Variants in RHOBTB1 observed in about 807,000 individuals in gnomAD.
RHOBTB1 encodes the protein rho-related BTB domain-containing protein 1.
A neutral mutation model predicts 71.6 loss-of-function variants in RHOBTB1; 40 were observed. The observed-to-expected ratio is 0.56, with a 90% CI of 0.43 to 0.73. RHOBTB1 has a LOEUF of 0.73. Ranked by LOEUF, RHOBTB1 falls within the 30% of genes least tolerant of loss-of-function variation. The pLI is 0.00. For missense variants in RHOBTB1, 797 were observed against 894.0 expected (o/e 0.89, Z 1.38); for synonymous variants, 319 against 334.9 (o/e 0.95, Z 0.52).
At chr10:60,991,187 C>T (rs151302799) in intron 1 of RHOBTB1, among the ~76,000 whole-genome samples, 69 of 152,228 alleles carry the variant, frequency 4.5e-4, no homozygotes, top group African/African-American at 1.5e-3. Context: ...ATATTCCACA[C>T]GGTAGCCAGA....
chr10:60,863,467 T>C, the RHOBTB1 span, among the ~76,000 whole-genome samples: 6 of 152,130 alleles, frequency 3.9e-5, no homozygotes, highest in Non-Finnish European at 8.8e-5. Context: ...ATAGTCTAGG[T>C]TGTTCTCAGA....
intron 2 of RHOBTB1, among the ~76,000 whole-genome samples, chr10:60,961,411 G>T (rs2085773067): frequency 6.6e-6 from 1 of 152,090 alleles, no homozygotes; most frequent in African/African-American, 2.4e-5. Flanking sequence ...TAACACCGGT[G>T]CATTAAGTAT....
chr10:60,960,456 A>G (rs535138488), intron 2 of RHOBTB1, among the ~76,000 whole-genome samples: 1 of 152,310 alleles, frequency 6.6e-6, no homozygotes, highest in East Asian at 1.9e-4. Context: ...TTAGAGAACT[A>G]GAAATTTAAT....
intron 7 of RHOBTB1, among the ~76,000 whole-genome samples, chr10:60,880,436 ATAGGTAGACC>A (rs746015218): frequency 6.6e-5 from 10 of 152,134 alleles, no homozygotes; most frequent in South Asian, 4.1e-4. Flanking sequence ...ATCCTTTCAG[ATAGGTAGACC>A]CATCCCTTAA....
chr10:60,946,016 A>T (rs1409628575), upstream of RHOBTB1, among the ~76,000 whole-genome samples: 2 of 152,186 alleles, frequency 1.3e-5, no homozygotes, highest in Non-Finnish European at 2.9e-5. Context: ...CGTCTCTATT[A>T]AAAATACAAA....
chr10:60,970,105 GA>G (rs1230328137), intron 2 of RHOBTB1, among the ~76,000 whole-genome samples: 1 of 152,110 alleles, frequency 6.6e-6, no homozygotes, highest in African/African-American at 2.4e-5. Context: ...CAATGCTGTG[GA>G]TGAAGCTTGC....
At chr10:60,880,943 A>G (rs1197126793) in intron 7 of RHOBTB1, among the ~76,000 whole-genome samples, 1 of 152,206 alleles carries the variant, frequency 6.6e-6, no homozygotes, top group Non-Finnish European at 1.5e-5. Flanking sequence ...TTGATGAAAT[A>G]ATGTTTGGAT....
intron 2 of RHOBTB1, among the ~76,000 whole-genome samples, chr10:60,914,324 A>G (rs556357681): frequency 6.6e-6 from 1 of 152,302 alleles, no homozygotes; most frequent in South Asian, 2.1e-4. Flanking sequence ...CCTCTTCGAC[A>G]AGTTTCTGGT....
chr10:60,863,096 G>A, the RHOBTB1 span, among the ~76,000 whole-genome samples: 2 of 152,124 alleles, frequency 1.3e-5, no homozygotes, highest in African/African-American at 4.8e-5. Flanking sequence ...TGGGGGTGGT[G>A]GAGAACTAGA....
intron 2 of RHOBTB1, among the ~76,000 whole-genome samples, chr10:60,979,942 T>C (rs1167807671): frequency 2.0e-5 from 3 of 152,094 alleles, no homozygotes; most frequent in Non-Finnish European, 1.5e-5. Flanking sequence ...AAACACACTA[T>C]ATGTTCTGGC....
chr10:60,940,267 G>A (rs1002784843), intron 2 of RHOBTB1, among the ~76,000 whole-genome samples: 1 of 152,054 alleles, frequency 6.6e-6, no homozygotes, highest in African/African-American at 2.4e-5. Flanking sequence ...TTAATAATTT[G>A]TTCCCCATTT....
chr10:60,950,750 C>T (rs182905727), intron 2 of RHOBTB1, among the ~76,000 whole-genome samples: 89 of 152,310 alleles, frequency 5.8e-4, no homozygotes, highest in African/African-American at 1.9e-3. Context: ...CATTATGAGG[C>T]CCCTTAAACA....
chr10:61,000,065 G>T (rs927130779), intron 1 of RHOBTB1, among the ~76,000 whole-genome samples: 4 of 152,172 alleles, frequency 2.6e-5, no homozygotes, highest in African/African-American at 9.7e-5. Flanking sequence ...ACAATGGGTG[G>T]ATTATTACTA....
At chr10:60,884,913 A>C (rs1564789918) in intron 7 of RHOBTB1, among the ~76,000 whole-genome samples, 1 of 151,388 alleles carries the variant, frequency 6.6e-6, no homozygotes, top group Non-Finnish European at 1.5e-5. Flanking sequence ...TCTAGTGTAC[A>C]TTTTTTTTGT....
In RHOBTB1 at chr10:60,971,362, A is replaced by G. The variant is rs565170465; in HGVS notation, c.-62+14483T>C. On this transcript the variant is annotated intron_variant, in intron 2 of 11. Transcript: ENST00000357917. Reference sequence around the variant, plus strand: ...CAAAACAGATATATAGACCAATGGAACAGAACAGAGGCCTCAGAAATAATG... The same window carrying G: ...CAAAACAGATATATAGACCAATGGAGCAGAACAGAGGCCTCAGAAATAATG... Among the ~76,000 whole-genome samples, 11 of 152,228 alleles carry G rather than the reference A, an allele frequency of 7.2e-5. No individual in the cohort carries two copies. In the South Asian group the frequency reaches 2.1e-3, roughly 29 times the overall value.
chr10:60,891,311 A>AT (rs1395063114), intron 5 of RHOBTB1, among the ~76,000 whole-genome samples: 7 of 112,100 alleles, frequency 6.2e-5, no homozygotes, highest in Non-Finnish European at 1.1e-4. Flanking sequence ...AAAATAAGGG[A>AT]TTTTTGTTGT....
At chr10:60,970,938 T>C (rs1401606440) in intron 2 of RHOBTB1, among the ~76,000 whole-genome samples, 2 of 152,048 alleles carry the variant, frequency 1.3e-5, no homozygotes, top group Non-Finnish European at 2.9e-5. Context: ...CCAGAATATA[T>C]GCATAACTCA....
chr10:60,980,646 G>A (rs1409631691), intron 2 of RHOBTB1, among the ~76,000 whole-genome samples: 3 of 152,086 alleles, frequency 2.0e-5, no homozygotes, highest in South Asian at 2.1e-4. Flanking sequence ...TAGAACATAC[G>A]AATGATGGGA....
At chr10:60,954,880 A>G (rs2085531249) in intron 2 of RHOBTB1, among the ~76,000 whole-genome samples, 2 of 152,122 alleles carry the variant, frequency 1.3e-5, no homozygotes, top group Non-Finnish European at 2.9e-5. Context: ...AGTTTCGGAA[A>G]TAGTTCATAT....
Sources: allele counts gnomAD v4.1 joint callset (sites outside exome capture counted in the v4.1 genomes callset), GRCh38; gene constraint gnomAD v4.1.1; transcripts MANE v1.5; gene names NCBI Gene and HGNC (gene_info 2026-07-23, HGNC 2026-07-21).